The following CSMD1 variants were observed in gnomAD, a reference collection of about 807,000 sequenced individuals.
The protein encoded by CSMD1 is CUB and Sushi multiple domains 1, also known as CUB and sushi domain-containing protein 1.
In CSMD1, 213 loss-of-function variants were observed where a neutral mutation model predicts 417.5. That is an observed-to-expected ratio of 0.51 (90% CI 0.46 to 0.57). The LOEUF (loss-of-function observed/expected upper bound fraction) is 0.57. Among genes scored for constraint, CSMD1 ranks in the 20% least tolerant of loss-of-function variants. The pLI is 0.00. For missense variants in CSMD1, 6,923 were observed against 4,529.7 expected (o/e 1.53, Z -15.17); for synonymous variants, 2,862 against 1,736.8 (o/e 1.65, Z -16.11).
chr8:3,714,073 C>T (rs538984232), intron 6 of CSMD1, among the ~76,000 whole-genome samples: 2 of 136,192 alleles, frequency 1.5e-5, no homozygotes, highest in East Asian at 4.1e-4. Flanking sequence ...TCCACATACA[C>T]ACATATGTAT....
intron 50 of CSMD1, among the ~76,000 whole-genome samples, chr8:3,042,938 A>G (rs1811205539): frequency 6.6e-6 from 1 of 151,960 alleles, no homozygotes; most frequent in South Asian, 2.1e-4. Context: ...TATATAGTAT[A>G]TATAGTGATA....
intron 12 of CSMD1, among the ~76,000 whole-genome samples, chr8:3,432,291 C>G (rs1563382629): frequency 6.6e-6 from 1 of 151,830 alleles, no homozygotes. Flanking sequence ...AGAAACTATG[C>G]AAATGAAAGA....
chr8:3,205,194 CG>C (rs1797186069), intron 31 of CSMD1, among the ~76,000 whole-genome samples: 1 of 152,124 alleles, frequency 6.6e-6, no homozygotes, highest in African/African-American at 2.4e-5. Flanking sequence ...AGAAATCCTC[CG>C]TTGCTCATAA....
Position 3,052,638 on chromosome 8 carries a change from C to T in CSMD1, c.7484G>A (p.Cys2495Tyr). Residue 2495 changes from cysteine (C) to tyrosine (Y), a missense_variant, in exon 50 of 70, where the codon TGT (cysteine) becomes TAT (tyrosine). Transcript: ENST00000635120. ...GTTTCCTGGGGATTCTGGGATTCCA[C>T]AGGACACAGCTGAAAAGAAATGAAA... ...SLTPLCQAVS[C>Y]GIPESPGNGS... 1 of 1,602,430 alleles carries T rather than the reference C, an allele frequency of 6.2e-7. No individual in the cohort carries two copies. Among genetic ancestry groups the T allele is most frequent in the Non-Finnish European group, 8.5e-7 (1 of 1,174,978 alleles).
chr8:4,711,120 G>C (rs531175094), intron 1 of CSMD1, among the ~76,000 whole-genome samples: 32 of 151,000 alleles, frequency 2.1e-4, no homozygotes, highest in South Asian at 1.0e-3. Flanking sequence ...TATAAGAGAA[G>C]TTTGGTAAAA....
At chr8:3,732,761 A>C (rs1796333252) in intron 6 of CSMD1, among the ~76,000 whole-genome samples, 1 of 152,162 alleles carries the variant, frequency 6.6e-6, no homozygotes, top group Non-Finnish European at 1.5e-5. Flanking sequence ...TCAATGCTTA[A>C]TTACTAAGCT....
chr8:3,904,973 C>T (rs1427800958), intron 5 of CSMD1, among the ~76,000 whole-genome samples: 1 of 152,122 alleles, frequency 6.6e-6, no homozygotes, highest in East Asian at 1.9e-4. Flanking sequence ...CATTTAAGGT[C>T]AAAGAGGAAG....
intron 3 of CSMD1, among the ~76,000 whole-genome samples, chr8:4,196,881 C>T (rs1336407554): frequency 6.6e-6 from 1 of 152,150 alleles, no homozygotes; most frequent in Admixed American, 6.5e-5. Flanking sequence ...AGTGAAAGTT[C>T]CGCCATCTTC....
In CSMD1 at chr8:4,795,247, C is replaced by G. The variant is rs139701088; in HGVS notation, c.86-157689G>C. On this transcript the variant is annotated intron_variant, in intron 1 of 69. Coordinates refer to ENST00000635120, the MANE Select transcript of CSMD1 (RefSeq NM_033225.6). ...AACACATTTCTAGGTCTGCTGGTGT[C>G]ATAGCTTTTTTTTTTTTTTTTTTTT... Among the ~76,000 whole-genome samples the G allele has an allele frequency of 7.4e-3, 691 of 93,682 alleles. 13 individuals carry two copies. Among genetic ancestry groups the G allele is most frequent in the African/African-American group, 0.025 (674 of 27,418 alleles). The allele number at this position is 93,682 out of a possible 152,430, so 61.5% of individuals were successfully genotyped here.
At chr8:4,610,740 T>C (rs1801124056) in intron 2 of CSMD1, among the ~76,000 whole-genome samples, 1 of 152,240 alleles carries the variant, frequency 6.6e-6, no homozygotes, top group African/African-American at 2.4e-5. Flanking sequence ...TCTTCATGAC[T>C]ACACTGCCAA....
At chr8:2,995,978 C>T (rs1260076003) in intron 54 of CSMD1, among the ~76,000 whole-genome samples, 1 of 152,156 alleles carries the variant, frequency 6.6e-6, no homozygotes, top group Non-Finnish European at 1.5e-5. Context: ...ATCTTGACCA[C>T]ATCAATGTCC....
chr8:3,510,865 T>C (rs1300441004), intron 10 of CSMD1, among the ~76,000 whole-genome samples: 1 of 151,832 alleles, frequency 6.6e-6, no homozygotes, highest in African/African-American at 2.4e-5. Context: ...TGTTTTTTCC[T>C]TGTAAATTTG....
At chr8:3,659,096 T>C (rs912597528) in intron 7 of CSMD1, among the ~76,000 whole-genome samples, 4 of 152,202 alleles carry the variant, frequency 2.6e-5, no homozygotes, top group African/African-American at 9.7e-5. Flanking sequence ...AATCTAATTA[T>C]TTCAGAACAA....
At chr8:4,792,582 A>G (rs1797751091) in intron 1 of CSMD1, among the ~76,000 whole-genome samples, 5 of 152,182 alleles carry the variant, frequency 3.3e-5, no homozygotes, top group South Asian at 4.1e-4. Context: ...CAGCACGTCC[A>G]TGCAAGAAAC....
chr8:4,756,773 T>C (rs922403979), intron 1 of CSMD1, among the ~76,000 whole-genome samples: 1 of 152,206 alleles, frequency 6.6e-6, no homozygotes, highest in Non-Finnish European at 1.5e-5. Flanking sequence ...GGAGTCATCT[T>C]GGGCATTTTA....
chr8:4,831,928 G>C (rs1483793980), intron 1 of CSMD1, among the ~76,000 whole-genome samples: 2 of 152,030 alleles, frequency 1.3e-5, no homozygotes, highest in Non-Finnish European at 2.9e-5. Context: ...CTGAAAGCTG[G>C]GACCTTCGAG....
chr8:3,908,403 C>T (rs1196631944), intron 5 of CSMD1, among the ~76,000 whole-genome samples: 2 of 152,258 alleles, frequency 1.3e-5, no homozygotes, highest in Non-Finnish European at 2.9e-5. Flanking sequence ...AAATTTGCAT[C>T]AGCATTCTGT....
chr8:3,650,755 G>A (rs1306694613), intron 7 of CSMD1, among the ~76,000 whole-genome samples: 2 of 152,136 alleles, frequency 1.3e-5, no homozygotes, highest in African/African-American at 4.8e-5. Context: ...CATTTCTAAT[G>A]CAAAAATGTG....
intron 26 of CSMD1, among the ~76,000 whole-genome samples, chr8:3,243,047 T>C (rs935995723): frequency 1.3e-5 from 2 of 152,010 alleles, no homozygotes; most frequent in Admixed American, 6.6e-5. Context: ...CCTTTGTCTC[T>C]ACCAGAAAAT....
Sources: allele counts gnomAD v4.1 joint callset (sites outside exome capture counted in the v4.1 genomes callset), GRCh38; gene constraint gnomAD v4.1.1; transcripts MANE v1.5; gene names NCBI Gene and HGNC (gene_info 2026-07-23, HGNC 2026-07-21).